The following VRK1 variants were observed in gnomAD, a reference collection of about 807,000 sequenced individuals.
The protein encoded by VRK1 is serine/threonine-protein kinase VRK1.
Under a neutral mutation model 57.1 loss-of-function variants are expected in VRK1, and 33 were observed. The ratio of observed to expected loss-of-function variants is 0.58; its 90% CI spans 0.44 to 0.77. The LOEUF is 0.77. Among genes scored for constraint, VRK1 ranks in the 30% least tolerant of loss-of-function variants. VRK1 has a pLI of 0.00. For synonymous variants in VRK1, 137 were observed against 147.8 expected, an observed-to-expected ratio of 0.93 and a Z score of 0.53; for missense variants, 413 against 477.3, an observed-to-expected ratio of 0.87 and a Z score of 1.25.
At chr14:96,846,855 A>G (rs1338354798) in intron 4 of VRK1, among the ~76,000 whole-genome samples, 1 of 152,108 alleles carries the variant, frequency 6.6e-6, no homozygotes, top group Non-Finnish European at 1.5e-5. Flanking sequence ...GATAAAGTAT[A>G]TAAGAGGATG....
At chr14:96,842,967 T>G (rs1402937403) in intron 3 of VRK1, among the ~76,000 whole-genome samples, 4 of 152,228 alleles carry the variant, frequency 2.6e-5, no homozygotes, top group Non-Finnish European at 5.9e-5. Flanking sequence ...TGATAATACA[T>G]GTATCTGCCT....
At chr14:96,845,049 A>G (rs1332472889) in intron 3 of VRK1, among the ~76,000 whole-genome samples, 3 of 152,194 alleles carry the variant, frequency 2.0e-5, no homozygotes, top group Non-Finnish European at 4.4e-5. Flanking sequence ...AGTAGGCCTC[A>G]TTACTCACTT....
chr14:96,821,598 A>G (rs1313264616), intron 1 of VRK1, among the ~76,000 whole-genome samples: 3 of 152,342 alleles, frequency 2.0e-5, no homozygotes, highest in South Asian at 2.1e-4. Flanking sequence ...TACAGTTGTA[A>G]TAACTGGTAG....
At chr14:96,860,914 T>C (rs991980014) in intron 11 of VRK1, 179 bp downstream of exon 11, 2 of 533,364 alleles carry the variant, frequency 3.7e-6, no homozygotes, top group Non-Finnish European at 6.3e-6. Context: ...AATATTTATA[T>C]ATTTCTTATG....
intron 2 of VRK1, among the ~76,000 whole-genome samples, chr14:96,837,309 G>T (rs1032740832): frequency 6.2e-4 from 94 of 152,168 alleles, no homozygotes; most frequent in African/African-American, 2.2e-3. Context: ...ATTGGTTCAG[G>T]TGAGTTTTTC....
intron 4 of VRK1, among the ~76,000 whole-genome samples, chr14:96,847,009 T>C (rs1887727856): frequency 6.6e-6 from 1 of 152,102 alleles, no homozygotes; most frequent in Non-Finnish European, 1.5e-5. Flanking sequence ...TTAAAAAAAA[T>C]GCTTTTTGTA....
At chr14:96,879,774 C>G (rs1889179335) in intron 12 of VRK1, among the ~76,000 whole-genome samples, 1 of 151,622 alleles carries the variant, frequency 6.6e-6, no homozygotes, top group South Asian at 2.1e-4. Flanking sequence ...TACTAAAATA[C>G]AAAAATTACC....
intron 2 of VRK1, 145 bp downstream of exon 2, chr14:96,833,776 C>A: frequency 8.5e-7 from 1 of 1,180,400 alleles, no homozygotes; most frequent in Non-Finnish European, 1.2e-6. Context: ...AAATGCATCT[C>A]TGACGTAGGA....
At chr14:96,802,445 C>T (rs576340057) in intron 1 of VRK1, among the ~76,000 whole-genome samples, 1 of 152,348 alleles carries the variant, frequency 6.6e-6, no homozygotes, top group African/African-American at 2.4e-5. Context: ...ACTGTTGGTT[C>T]ATGCAGCAAC....
intron 1 of VRK1, among the ~76,000 whole-genome samples, chr14:96,818,557 A>G (rs538206099): frequency 1.3e-5 from 2 of 152,316 alleles, no homozygotes; most frequent in South Asian, 2.1e-4. Context: ...GGATAAATCT[A>G]TGAATTTATG....
chr14:96,845,748 CT>C (rs1203859493), intron 3 of VRK1, among the ~76,000 whole-genome samples: 1 of 152,088 alleles, frequency 6.6e-6, no homozygotes, highest in African/African-American at 2.4e-5. Context: ...CTTATAGCCC[CT>C]TGGTGATACA....
chr14:96,862,552 GT>G (rs1159141023), intron 11 of VRK1, among the ~76,000 whole-genome samples: 1 of 147,388 alleles, frequency 6.8e-6, no homozygotes, highest in South Asian at 2.1e-4. Flanking sequence ...GACCAGACCA[GT>G]TTTTTTTCAA....
At position 96,819,089 on chromosome 14, in the gene VRK1, A is replaced by G. The variant is rs147314985; in HGVS notation, c.-5-14378A>G. 1.7e-3 allele frequency among the ~76,000 whole-genome samples: 260 copies of G among 152,326 alleles called. 1 individual carries two copies. The highest frequency in any genetic ancestry group is 3.2e-3 in the Non-Finnish European group (221 of 68,022). On this transcript the variant is annotated intron_variant, in intron 1 of 12. Coordinates refer to ENST00000216639, the MANE Select transcript of VRK1 (RefSeq NM_003384.3). ...TGATGGAGTTCTTTGTTGACTGACT[A>G]TCTTTCGTTTGATTTTATTCTGACT...
chr14:96,836,389 C>T (rs1296597485), intron 2 of VRK1, among the ~76,000 whole-genome samples: 2 of 152,092 alleles, frequency 1.3e-5, no homozygotes, highest in African/African-American at 4.8e-5. Context: ...TTTATGTTAC[C>T]TGTTAAGCCC....
chr14:96,833,772 A>C, intron 2 of VRK1, 141 bp downstream of exon 2: 1 of 1,216,744 alleles, frequency 8.2e-7, no homozygotes, highest in African/African-American at 1.5e-5. Flanking sequence ...GCAAAAATGC[A>C]TCTCTGACGT....
intron 1 of VRK1, among the ~76,000 whole-genome samples, chr14:96,807,274 C>T (rs1034136747): frequency 1.8e-4 from 27 of 152,212 alleles, no homozygotes; most frequent in African/African-American, 6.5e-4. Context: ...CTTCTACTCA[C>T]TTCTGCCTTT....
chr14:96,798,418 C>T (rs1415446574), intron 1 of VRK1, among the ~76,000 whole-genome samples: 2 of 152,182 alleles, frequency 1.3e-5, no homozygotes, highest in Non-Finnish European at 2.9e-5. Flanking sequence ...TTTCAAGTCA[C>T]TCATTTTTGT....
chr14:96,802,260 C>A lies in VRK1; in HGVS notation c.-6+4813C>A, dbSNP rs138866743. 6.3e-4 allele frequency among the ~76,000 whole-genome samples: 96 copies of A among 152,242 alleles called. 2 individuals are homozygous for A. In the East Asian group the frequency reaches 9.3e-3, roughly 15 times the overall value. ...ACAATCCAGCGATTGCACTCCTGAG[C>A]CTTTATCCTAGAGAAATAAAAACGT... On this transcript the variant is annotated intron_variant, in intron 1 of 12. Coordinates refer to ENST00000216639, the MANE Select transcript of VRK1 (RefSeq NM_003384.3).
chr14:96,804,389 A>C (rs538850775), intron 1 of VRK1, among the ~76,000 whole-genome samples: 1 of 152,362 alleles, frequency 6.6e-6, no homozygotes, highest in African/African-American at 2.4e-5. Context: ...ACTATTAATA[A>C]ATACAGGTTT....
Sources: allele counts gnomAD v4.1 joint callset (sites outside exome capture counted in the v4.1 genomes callset), GRCh38; gene constraint gnomAD v4.1.1; transcripts MANE v1.5; gene names NCBI Gene and HGNC (gene_info 2026-07-23, HGNC 2026-07-21).